STMN2: variants seen among roughly 807,000 people sequenced by gnomAD.
STMN2 encodes the protein stathmin-2.
Under a neutral mutation model 24.1 loss-of-function variants are expected in STMN2, and 2 were observed. That is an observed-to-expected ratio of 0.08 (90% CI 0.03 to 0.26). The LOEUF is 0.26. Among genes scored for constraint, STMN2 ranks in the 10% least tolerant of loss-of-function variants. The pLI is 1.00. For synonymous variants in STMN2, 83 were observed against 77.5 expected, an observed-to-expected ratio of 1.07 and a Z score of -0.37; for missense variants, 114 against 213.6, an observed-to-expected ratio of 0.53 and a Z score of 2.91.
At chr8:79,622,822 G>C (rs1254577838) in intron 1 of STMN2, among the ~76,000 whole-genome samples, 1 of 152,032 alleles carries the variant, frequency 6.6e-6, no homozygotes, top group Non-Finnish European at 1.5e-5. Context: ...TTTGAATGCA[G>C]GAAAAAGAAT....
chr8:79,624,229 C>T (rs1350164157), intron 1 of STMN2, among the ~76,000 whole-genome samples: 4 of 151,718 alleles, frequency 2.6e-5, no homozygotes, highest in African/African-American at 4.8e-5. Flanking sequence ...CCGAGGCGGG[C>T]GGATCACGAG....
rs1053140549 is a variant in STMN2 at position 79,613,876 on chromosome 8, G to A, written c.19+2662G>A. On this transcript the variant is annotated intron_variant, in intron 1 of 4. Transcript: ENST00000220876. ...CATGTGCAAGTGCTTGCTAAGAGCA[G>A]GGTTTGTGTGCCAACGATTGCTGGA... is the stretch of plus-strand genomic sequence containing the variant. The A allele has an allele frequency of 9.3e-6, 9 of 969,990 alleles. No homozygotes were observed. The African/African-American group carries it at 1.6e-4, about 17-fold the overall frequency. 60.1% of individuals were successfully genotyped at this position (969,990 alleles called of 1,614,324 possible).
At chr8:79,628,358 T>A (rs1809711850) in intron 1 of STMN2, among the ~76,000 whole-genome samples, 1 of 151,980 alleles carries the variant, frequency 6.6e-6, no homozygotes, top group Non-Finnish European at 1.5e-5. Flanking sequence ...GAGACGGGGT[T>A]TCACCATGTC....
At position 79,654,856 on chromosome 8, in the gene STMN2, GT is replaced by G. The variant is rs1271172222; in HGVS notation, c.289-10del. 6.2e-7 allele frequency: 1 copy of G among 1,607,334 alleles called. No homozygotes were observed. ...GTTTGGATAATTATAAGATGGCTAT[GT>G]TTTTCTTCCCCAGTCTCAGGAGGCC... On this transcript the variant is annotated splice_polypyrimidine_tract_variant and intron_variant, in intron 3 of 4. Coordinates refer to ENST00000220876, the MANE Select transcript of STMN2 (RefSeq NM_007029.4).
intron 1 of STMN2, among the ~76,000 whole-genome samples, chr8:79,632,780 C>T (rs918916588): frequency 1.2e-4 from 19 of 152,066 alleles, no homozygotes; most frequent in Admixed American, 1.2e-3. Context: ...TACAATTTTG[C>T]CTAGGATGAA....
Position 79,643,063 on chromosome 8 carries a change from T to C in STMN2, c.288+1513T>C, listed in dbSNP as rs921313005. Reference sequence around the variant, plus strand: ...TATGTATACCATAATTATATATTAATATTGTATATATGCCATAATTATATA... The same window carrying C: ...TATGTATACCATAATTATATATTAACATTGTATATATGCCATAATTATATA... On this transcript the variant is annotated intron_variant, in intron 3 of 4. Coordinates refer to ENST00000220876, the MANE Select transcript of STMN2 (RefSeq NM_007029.4). 2.7e-5 allele frequency among the ~76,000 whole-genome samples: 4 copies of C among 147,914 alleles called. No individual in the cohort carries two copies. The South Asian group carries it at 8.4e-4, about 31-fold the overall frequency.
intron 3 of STMN2, among the ~76,000 whole-genome samples, chr8:79,649,306 A>G (rs1224592103): frequency 1.3e-5 from 2 of 152,034 alleles, no homozygotes. Flanking sequence ...TTCTCGGTGA[A>G]GAAGAGCACC....
chr8:79,632,717 T>C (rs574224963), intron 1 of STMN2, among the ~76,000 whole-genome samples: 20 of 152,374 alleles, frequency 1.3e-4, no homozygotes, highest in African/African-American at 4.3e-4. Context: ...GGAAGACTAA[T>C]ACATATCACT....
chr8:79,639,841 T>A (rs1810052045), intron 2 of STMN2, among the ~76,000 whole-genome samples: 1 of 152,174 alleles, frequency 6.6e-6, no homozygotes, highest in South Asian at 2.1e-4. Context: ...GAACAAAAAA[T>A]CTACTCTTTC....
intron 3 of STMN2, among the ~76,000 whole-genome samples, chr8:79,642,917 A>G (rs2130362587): frequency 6.7e-6 from 1 of 148,540 alleles, no homozygotes; most frequent in South Asian, 2.1e-4. Context: ...TACAATGGTA[A>G]TTGGTATATA....
intron 1 of STMN2, among the ~76,000 whole-genome samples, chr8:79,628,678 A>G (rs765934359): frequency 6.6e-6 from 1 of 152,172 alleles, no homozygotes; most frequent in African/African-American, 2.4e-5. Context: ...CTTTTTTCAT[A>G]TAACTGCTGG....
intron 3 of STMN2, among the ~76,000 whole-genome samples, chr8:79,643,848 A>G (rs1810162380): frequency 6.6e-6 from 1 of 152,154 alleles, no homozygotes; most frequent in African/African-American, 2.4e-5. Context: ...AATTCCTTAG[A>G]ATGCTTTAAA....
At chr8:79,664,780 C>A (rs1490360171) in intron 4 of STMN2, 35 bp from the exon 5 acceptor site, 3 of 1,606,538 alleles carry the variant, frequency 1.9e-6, no homozygotes, top group Non-Finnish European at 2.6e-6. Context: ...ACAAAAAGGG[C>A]CTGTGACATT....
intron 4 of STMN2, 140 bp from the exon 5 acceptor site, chr8:79,664,675 G>T: frequency 1.9e-6 from 1 of 530,536 alleles, no homozygotes; most frequent in Non-Finnish European, 3.2e-6. Context: ...ACATTTTGCA[G>T]GGCCCATATT....
chr8:79,612,650 G>T (rs1014074761), intron 1 of STMN2, among the ~76,000 whole-genome samples: 20 of 152,158 alleles, frequency 1.3e-4, no homozygotes, highest in African/African-American at 4.3e-4. Context: ...AGTGGCCCCG[G>T]GGTGAAAAGG....
chr8:79,640,778 C>G (rs1296162287), intron 2 of STMN2, among the ~76,000 whole-genome samples: 1 of 152,204 alleles, frequency 6.6e-6, no homozygotes, highest in Non-Finnish European at 1.5e-5. Context: ...CAGCAGGATG[C>G]TTTGCATTTC....
At position 79,636,795 on chromosome 8, in the gene STMN2, A is replaced by G. The variant is rs372624010; in HGVS notation, c.20-7A>G. 1.2e-6 allele frequency: 2 copies of G among 1,612,980 alleles called. No homozygotes were observed. Among genetic ancestry groups the G allele is most frequent in the African/African-American group, 2.7e-5 (2 of 74,908 alleles). On this transcript the variant is annotated splice_region_variant and splice_polypyrimidine_tract_variant and intron_variant, in intron 1 of 4. Transcript: ENST00000220876. ...GAAATATACTAATCTTCAGCTTTTC[A>G]TTTCAGCCTACAAGGAAAAAATGAA...
intron 1 of STMN2, among the ~76,000 whole-genome samples, chr8:79,615,303 C>T (rs1809358464): frequency 6.6e-6 from 1 of 152,182 alleles, no homozygotes; most frequent in African/African-American, 2.4e-5. Flanking sequence ...GCTCATTGCT[C>T]ACAGGAGGCT....
chr8:79,658,757 C>T (rs1806434743), intron 4 of STMN2, among the ~76,000 whole-genome samples: 3 of 152,198 alleles, frequency 2.0e-5, no homozygotes, highest in Non-Finnish European at 4.4e-5. Flanking sequence ...CCATGATGCC[C>T]ATAATGGTAT....
Sources: allele counts gnomAD v4.1 joint callset (sites outside exome capture counted in the v4.1 genomes callset), GRCh38; gene constraint gnomAD v4.1.1; transcripts MANE v1.5; gene names NCBI Gene and HGNC (gene_info 2026-07-23, HGNC 2026-07-21).